CNTN4: variants seen among roughly 807,000 people sequenced by gnomAD.
CNTN4 encodes contactin-4.
A neutral mutation model predicts 122.5 loss-of-function variants in CNTN4; 77 were observed. The ratio of observed to expected loss-of-function variants is 0.63; its 90% CI spans 0.52 to 0.76. CNTN4 has a LOEUF of 0.76. Ranked by LOEUF, CNTN4 falls within the 30% of genes least tolerant of loss-of-function variation. The pLI is 0.00. For synonymous variants in CNTN4, 512 were observed against 447.0 expected, an observed-to-expected ratio of 1.15 and a Z score of -1.83; for missense variants, 1,256 against 1,259.1, an observed-to-expected ratio of 1.00 and a Z score of 0.04.
intron 2 of CNTN4, among the ~76,000 whole-genome samples, chr3:2,253,332 C>A (rs916192969): frequency 2.0e-5 from 3 of 152,134 alleles, no homozygotes; most frequent in Middle Eastern, 3.4e-3. Context: ...GCCTTATAGC[C>A]TTTTTAAACG....
chr3:2,418,567 TA>T (rs1395645595), intron 3 of CNTN4, among the ~76,000 whole-genome samples: 1 of 152,156 alleles, frequency 6.6e-6, no homozygotes, highest in Non-Finnish European at 1.5e-5. Flanking sequence ...AGTGTCAGCA[TA>T]AGGCTGTAAT....
intron 14 of CNTN4, among the ~76,000 whole-genome samples, chr3:3,003,617 A>G (rs1696260723): frequency 6.7e-6 from 1 of 150,198 alleles, no homozygotes; most frequent in African/African-American, 2.5e-5. Flanking sequence ...CTGACTCCTA[A>G]TAAGTACAGG....
chr3:2,186,345 G>A (rs1431425777), intron 2 of CNTN4, among the ~76,000 whole-genome samples: 1 of 152,114 alleles, frequency 6.6e-6, no homozygotes, highest in African/African-American at 2.4e-5. Context: ...GGACATTTGG[G>A]TTGGTTCCAA....
intron 4 of CNTN4, among the ~76,000 whole-genome samples, chr3:2,654,053 T>C (rs1197937346): frequency 6.6e-6 from 1 of 152,242 alleles, no homozygotes; most frequent in Non-Finnish European, 1.5e-5. Flanking sequence ...ACTTAAGTGA[T>C]GATAGAGCTT....
intron 3 of CNTN4, among the ~76,000 whole-genome samples, chr3:2,521,751 C>A (rs940623652): frequency 1.3e-5 from 2 of 152,008 alleles, no homozygotes; most frequent in African/African-American, 2.4e-5. Context: ...TTCGGACTTC[C>A]CTTTGGTAAC....
intron 7 of CNTN4, among the ~76,000 whole-genome samples, chr3:2,840,901 T>C (rs1272073681): frequency 1.3e-5 from 2 of 152,112 alleles, no homozygotes; most frequent in Admixed American, 6.5e-5. Context: ...TAAGGTCACC[T>C]GAAAAGCTAT....
At chr3:2,580,100 G>A (rs889999958) in intron 4 of CNTN4, among the ~76,000 whole-genome samples, 2 of 152,056 alleles carry the variant, frequency 1.3e-5, no homozygotes, top group Admixed American at 6.6e-5. Flanking sequence ...TGTGGGTAGA[G>A]CACTCAGGAA....
intron 4 of CNTN4, among the ~76,000 whole-genome samples, chr3:2,633,971 C>T (rs1472303242): frequency 3.3e-5 from 5 of 152,302 alleles, no homozygotes; most frequent in Middle Eastern, 3.4e-3. Context: ...GAAATGCTTG[C>T]CTACTCTCTA....
At chr3:2,431,697 GA>G (rs775913387) in intron 3 of CNTN4, among the ~76,000 whole-genome samples, 1 of 152,152 alleles carries the variant, frequency 6.6e-6, no homozygotes, top group Non-Finnish European at 1.5e-5. Flanking sequence ...TGACCTCAGG[GA>G]TATAGAAACT....
At chr3:2,787,977 A>G (rs1245519510) in intron 6 of CNTN4, among the ~76,000 whole-genome samples, 1 of 151,960 alleles carries the variant, frequency 6.6e-6, no homozygotes, top group African/African-American at 2.4e-5. Flanking sequence ...TTTAGTAGAG[A>G]CGGGGCTTCA....
At chr3:2,123,168 T>C (rs1049650587) in intron 2 of CNTN4, among the ~76,000 whole-genome samples, 3 of 152,234 alleles carry the variant, frequency 2.0e-5, no homozygotes, top group Admixed American at 1.3e-4. Flanking sequence ...GCATTGACTA[T>C]ATGCCTAGCA....
chr3:2,870,239 TTCA>T (rs2093769366), intron 8 of CNTN4, among the ~76,000 whole-genome samples: 1 of 152,214 alleles, frequency 6.6e-6, no homozygotes, highest in Admixed American at 6.5e-5. Context: ...CTGGTATATC[TTCA>T]TAGAGATGAC....
chr3:2,739,217 A>C (rs1204854518), intron 5 of CNTN4, among the ~76,000 whole-genome samples: 1 of 152,180 alleles, frequency 6.6e-6, no homozygotes, highest in Admixed American at 6.5e-5. Context: ...CAGATTGACA[A>C]ATTTAGAAAA....
intron 2 of CNTN4, among the ~76,000 whole-genome samples, chr3:2,144,594 A>G (rs1012160179): frequency 6.6e-6 from 1 of 152,122 alleles, no homozygotes; most frequent in Admixed American, 6.6e-5. Context: ...TAGTTAATTC[A>G]ACTCTGCCTA....
intron 13 of CNTN4, among the ~76,000 whole-genome samples, chr3:2,981,357 T>A (rs1055835517): frequency 6.6e-6 from 1 of 151,720 alleles, no homozygotes; most frequent in African/African-American, 2.4e-5. Flanking sequence ...GGCGGGAGAA[T>A]GGCGTGAACC....
At chr3:2,973,620 TA>T (rs1219583003) in intron 13 of CNTN4, among the ~76,000 whole-genome samples, 1 of 152,056 alleles carries the variant, frequency 6.6e-6, no homozygotes, top group African/African-American at 2.4e-5. Flanking sequence ...TCTAAAATTC[TA>T]AAGACTGAAT....
chr3:2,136,729 G>A (rs543825684), intron 2 of CNTN4, among the ~76,000 whole-genome samples: 1 of 151,376 alleles, frequency 6.6e-6, no homozygotes, highest in East Asian at 1.9e-4. Context: ...TATTCCAGTT[G>A]TATAAATAGG....
At chr3:2,531,469 G>A (rs2077592374) in intron 3 of CNTN4, among the ~76,000 whole-genome samples, 1 of 152,176 alleles carries the variant, frequency 6.6e-6, no homozygotes, top group African/African-American at 2.4e-5. Flanking sequence ...GGGAGGCAGT[G>A]AGTCTTTAGG....
At chr3:2,710,842 C>T (rs2087103332) in intron 4 of CNTN4, among the ~76,000 whole-genome samples, 1 of 152,188 alleles carries the variant, frequency 6.6e-6, no homozygotes, top group African/African-American at 2.4e-5. Flanking sequence ...AAAGGCTTTC[C>T]ATACACTCCA....
Sources: allele counts gnomAD v4.1 joint callset (sites outside exome capture counted in the v4.1 genomes callset), GRCh38; gene constraint gnomAD v4.1.1; transcripts MANE v1.5; gene names NCBI Gene and HGNC (gene_info 2026-07-23, HGNC 2026-07-21).